Variants in TDRD5 observed in about 807,000 individuals in gnomAD.
The protein encoded by TDRD5 is tudor domain containing 5.
A neutral mutation model predicts 120.6 loss-of-function variants in TDRD5; 41 were observed. The ratio of observed to expected loss-of-function variants is 0.34; its 90% confidence interval spans 0.26 to 0.44. TDRD5 has a LOEUF of 0.44. TDRD5 is among the 20% of genes least tolerant of loss of function. The pLI, the probability that TDRD5 is intolerant of heterozygous loss-of-function variation, is 1.00. For missense variants in TDRD5, 1,006 were observed against 1,221.2 expected (o/e 0.82, Z 2.63); for synonymous variants, 430 against 433.7 (o/e 0.99, Z 0.11).
rs769060522 is a variant in TDRD5 at position 179,635,818 on chromosome 1, G to A, written c.1451G>A (p.Ser484Asn). ...GVFVEYIISP[S>N]QFYIRIYSRD... Reference sequence around the variant, plus strand: ...TTTGTGGAGTATATCATCTCTCCTAGTCAATTCTACATCCGGATCTATAGC... The same window carrying A: ...TTTGTGGAGTATATCATCTCTCCTAATCAATTCTACATCCGGATCTATAGC... The change falls in exon 9 of 18, where the codon AGT (serine) becomes AAT (asparagine). Residue 484 changes from serine (S) to asparagine (N), a missense_variant. Coordinates refer to ENST00000444136, the MANE Select transcript of TDRD5 (RefSeq NM_001199085.3). 9 of 1,613,884 alleles carry A rather than the reference G, an allele frequency of 5.6e-6. No individual in the cohort carries two copies. Among genetic ancestry groups the A allele is most frequent in the Non-Finnish European group, 7.6e-6 (9 of 1,179,996 alleles).
At chr1:179,652,259 G>A (rs1678764335) in intron 13 of TDRD5, 62 bp downstream of exon 13, 2 of 1,474,958 alleles carry the variant, frequency 1.4e-6, no homozygotes, top group South Asian at 2.8e-5. Context: ...CATTTTTTTA[G>A]ATGAAGAAAC....
chr1:179,674,928 T>C (rs991600956), intron 17 of TDRD5, among the ~76,000 whole-genome samples: 2 of 152,222 alleles, frequency 1.3e-5, no homozygotes, highest in African/African-American at 4.8e-5. Flanking sequence ...GGATCCTCTC[T>C]CTTCTTTTCT....
chr1:179,630,824 C>T lies in TDRD5; in HGVS notation c.1030C>T (p.Leu344Phe). Reference protein sequence around the residue: ...KKLGFLNVTELVGALSDILHV... With the variant: ...KKLGFLNVTEFVGALSDILHV... ...ATTAGGCTTCTTAAATGTGACAGAA[C>T]TTGTTGGAGCTCTTAGTGACATTCT... Residue 344 changes from leucine (L) to phenylalanine (F), a missense_variant, in exon 7 of 18, where the codon CTT becomes TTT. Physicochemically the swap from Leu to Phe is conservative, Grantham distance 22. Coordinates refer to ENST00000444136, the MANE Select transcript of TDRD5 (RefSeq NM_001199085.3). 1 of 1,613,990 alleles carries T rather than the reference C, an allele frequency of 6.2e-7. No individual in the cohort carries two copies. Among genetic ancestry groups the T allele is most frequent in the Non-Finnish European group, 8.5e-7 (1 of 1,179,960 alleles).
intron 17 of TDRD5, among the ~76,000 whole-genome samples, chr1:179,686,085 T>C (rs1171727117): frequency 6.6e-6 from 1 of 152,190 alleles, no homozygotes; most frequent in East Asian, 1.9e-4. Context: ...CTATGTTGAA[T>C]AGGAGTGGTG....
chr1:179,649,787 G>A (rs181273548), intron 11 of TDRD5, among the ~76,000 whole-genome samples: 13 of 152,034 alleles, frequency 8.6e-5, no homozygotes, highest in South Asian at 4.2e-4. Context: ...TGTACTGCTC[G>A]TTGTCTTTGA....
intron 4 of TDRD5, among the ~76,000 whole-genome samples, chr1:179,605,346 G>A (rs1424648295): frequency 6.6e-6 from 1 of 152,146 alleles, no homozygotes; most frequent in African/African-American, 2.4e-5. Flanking sequence ...TATCTTTTAA[G>A]TGGAGCATTT....
chr1:179,676,668 A>C (rs1680161373), intron 17 of TDRD5, among the ~76,000 whole-genome samples: 1 of 152,202 alleles, frequency 6.6e-6, no homozygotes, highest in Non-Finnish European at 1.5e-5. Flanking sequence ...GGAGGCTAGA[A>C]ATAGGACCCC....
At chr1:179,617,215 T>G (rs1324416908) in intron 4 of TDRD5, among the ~76,000 whole-genome samples, 1 of 152,096 alleles carries the variant, frequency 6.6e-6, no homozygotes, top group Non-Finnish European at 1.5e-5. Context: ...TAGGGAGCCA[T>G]GTACTTGCCA....
At chr1:179,612,560 G>A (rs755340046) in intron 4 of TDRD5, among the ~76,000 whole-genome samples, 6 of 152,104 alleles carry the variant, frequency 3.9e-5, no homozygotes, top group Non-Finnish European at 7.4e-5. Context: ...CTATTAATAG[G>A]TATTTACCTT....
chr1:179,658,780 G>T (rs146195083), intron 14 of TDRD5, among the ~76,000 whole-genome samples: 2 of 151,828 alleles, frequency 1.3e-5, no homozygotes, highest in Non-Finnish European at 2.9e-5. Context: ...TTTCAAGTTC[G>T]TTGATTTCTT....
intron 6 of TDRD5, among the ~76,000 whole-genome samples, chr1:179,621,299 T>C (rs557704442): frequency 6.6e-6 from 1 of 152,250 alleles, no homozygotes; most frequent in African/African-American, 2.4e-5. Flanking sequence ...TTACCACTTA[T>C]TGTTATAATA....
chr1:179,611,017 T>C (rs1328594), intron 4 of TDRD5, among the ~76,000 whole-genome samples: 36,149 of 152,114 alleles, frequency 0.24, 4,810 homozygotes, highest in East Asian at 0.35. Flanking sequence ...TATTAGAGTT[T>C]GGCACATTTC....
At chr1:179,686,150 G>C (rs1680700480) in intron 17 of TDRD5, among the ~76,000 whole-genome samples, 1 of 152,238 alleles carries the variant, frequency 6.6e-6, no homozygotes, top group Middle Eastern at 3.4e-3. Context: ...TCCAGTTTTT[G>C]CCCATTCAGT....
At chr1:179,629,325 G>A (rs1677308570) in intron 6 of TDRD5, among the ~76,000 whole-genome samples, 1 of 152,110 alleles carries the variant, frequency 6.6e-6, no homozygotes, top group African/African-American at 2.4e-5. Context: ...AAATTCAAAT[G>A]GGAGACTACC....
chr1:179,604,738 G>T (rs529050600), intron 4 of TDRD5, among the ~76,000 whole-genome samples: 2 of 152,134 alleles, frequency 1.3e-5, no homozygotes, highest in East Asian at 3.9e-4. Flanking sequence ...GTCTGAAAAA[G>T]TGCTTGATAT....
At chr1:179,648,416 G>A (rs1357568545) in intron 11 of TDRD5, among the ~76,000 whole-genome samples, 1 of 115,968 alleles carries the variant, frequency 8.6e-6, no homozygotes, top group African/African-American at 3.1e-5. Context: ...ATGGACACAG[G>A]AAGGGGAACA....
At chr1:179,592,265 C>G (rs1558362352) in intron 1 of TDRD5, 140 bp downstream of exon 1, 1 of 223,732 alleles carries the variant, frequency 4.5e-6, no homozygotes, top group East Asian at 1.2e-4. Flanking sequence ...GGCGGCATTG[C>G]GTTGGCCTTA....
chr1:179,638,030 G>A (rs867830317), intron 9 of TDRD5, among the ~76,000 whole-genome samples: 6 of 152,172 alleles, frequency 3.9e-5, no homozygotes, highest in Admixed American at 1.3e-4. Flanking sequence ...AGTGGCGTGC[G>A]CTGGGAACAA....
intron 4 of TDRD5, among the ~76,000 whole-genome samples, chr1:179,617,911 C>T (rs893247943): frequency 2.0e-5 from 3 of 152,240 alleles, no homozygotes; most frequent in Admixed American, 2.0e-4. Flanking sequence ...TCCTGACTTC[C>T]TACCTGCTAA....
Sources: gnomAD v4.1 joint callset for allele counts (sites outside exome capture counted in the v4.1 genomes callset) on GRCh38, gnomAD v4.1.1 for gene constraint, MANE v1.5 for transcripts, NCBI Gene and HGNC (gene_info 2026-07-23, HGNC 2026-07-21) for gene names.